The following ELMOD1 variants were observed in gnomAD, a reference collection of about 807,000 sequenced individuals.
The protein encoded by ELMOD1 is ELMO domain-containing protein 1.
Under a neutral mutation model 46.7 loss-of-function variants are expected in ELMOD1, and 21 were observed. That is an observed-to-expected ratio of 0.45 (90% CI 0.32 to 0.65). ELMOD1 has a LOEUF of 0.65. Ranked by LOEUF, ELMOD1 falls within the 30% of genes least tolerant of loss-of-function variation. ELMOD1 has a pLI of 0.04. For missense variants in ELMOD1, 348 were observed against 407.8 expected (o/e 0.85, Z 1.26); for synonymous variants, 122 against 138.2 (o/e 0.88, Z 0.82).
intron 10 of ELMOD1, among the ~76,000 whole-genome samples, chr11:107,654,517 C>T (rs994038681): frequency 6.6e-6 from 1 of 152,096 alleles, no homozygotes; most frequent in Non-Finnish European, 1.5e-5. Flanking sequence ...CGCCTGTAAT[C>T]CCAGCACTTT....
chr11:107,601,270 A>C (rs184490472), intron 1 of ELMOD1, among the ~76,000 whole-genome samples: 1 of 151,838 alleles, frequency 6.6e-6, no homozygotes, highest in Non-Finnish European at 1.5e-5. Context: ...AATTCTCCCA[A>C]TATCACTATT....
intron 2 of ELMOD1, among the ~76,000 whole-genome samples, chr11:107,622,429 A>G (rs1865966024): frequency 6.6e-6 from 1 of 152,158 alleles, no homozygotes; most frequent in South Asian, 2.1e-4. Flanking sequence ...CAACATTTTC[A>G]CCCCGACTTA....
chr11:107,644,536 A>G (rs1866384347), intron 6 of ELMOD1, among the ~76,000 whole-genome samples: 1 of 151,848 alleles, frequency 6.6e-6, no homozygotes. Context: ...CTGCAGTGGC[A>G]CGATCTCGGC....
chr11:107,595,697 C>G (rs1233220040), intron 1 of ELMOD1, among the ~76,000 whole-genome samples: 3 of 152,068 alleles, frequency 2.0e-5, no homozygotes, highest in Non-Finnish European at 4.4e-5. Flanking sequence ...ATCCTGGGAG[C>G]TTTTAACCTT....
Position 107,631,688 on chromosome 11 carries a change from G to T in ELMOD1, c.290+11G>T. 1.4e-6 allele frequency: 2 copies of T among 1,393,916 alleles called. No individual in the cohort carries two copies. The highest frequency in any genetic ancestry group is 2.0e-6 in the Non-Finnish European group (2 of 1,013,558). The allele number at this position is 1,393,916 out of a possible 1,614,324, so 86.3% of individuals were successfully genotyped here. A position where few individuals can be genotyped will look rare whatever the true frequency, so the allele number is the denominator to read the frequency against. ...TGACGTAAATCCACAGTAAGAATATGTTTCTTATGTCAAAAATACAGAACA... is the reference window on the plus strand; with the variant it reads ...TGACGTAAATCCACAGTAAGAATATTTTTCTTATGTCAAAAATACAGAACA... On this transcript the variant is annotated intron_variant, in intron 5 of 11. Coordinates refer to ENST00000265840, the MANE Select transcript of ELMOD1 (RefSeq NM_018712.4).
intron 2 of ELMOD1, among the ~76,000 whole-genome samples, chr11:107,630,119 A>G (rs1866110345): frequency 6.6e-6 from 1 of 152,060 alleles, no homozygotes; most frequent in African/African-American, 2.4e-5. Context: ...TTTTCAAGGT[A>G]CTCATTTACT....
chr11:107,642,989 G>T (rs990327376), intron 6 of ELMOD1: 2 of 253,236 alleles, frequency 7.9e-6, no homozygotes, highest in African/African-American at 2.4e-5. Flanking sequence ...CAAACTTAGT[G>T]ATACAAAATG....
chr11:107,650,295 G>A, intron 7 of ELMOD1, 40 bp from the exon 8 acceptor site: 3 of 1,420,112 alleles, frequency 2.1e-6, no homozygotes, highest in South Asian at 1.2e-5. Flanking sequence ...CAGCGAGTAA[G>A]CAAGTATAGA....
At chr11:107,664,980 A>T (rs1041447994) in intron 11 of ELMOD1, 45 bp from the exon 12 acceptor site, 1 of 1,526,690 alleles carries the variant, frequency 6.6e-7, no homozygotes, top group Non-Finnish European at 8.9e-7. Flanking sequence ...GTGATTAAGG[A>T]TTTTTTTTTC....
intron 11 of ELMOD1, among the ~76,000 whole-genome samples, chr11:107,664,760 G>T (rs1297160324): frequency 6.6e-6 from 1 of 152,020 alleles, no homozygotes; most frequent in African/African-American, 2.4e-5. Context: ...TCAAGAGATG[G>T]CAGAACTGAT....
At chr11:107,651,527 A>G (rs1866526058) in intron 9 of ELMOD1, among the ~76,000 whole-genome samples, 1 of 152,092 alleles carries the variant, frequency 6.6e-6, no homozygotes, top group South Asian at 2.1e-4. Flanking sequence ...TTCTAGCTTC[A>G]TTTGGCTAAG....
At chr11:107,615,984 CCTTTTTTT>C (rs1865855894) in intron 1 of ELMOD1, among the ~76,000 whole-genome samples, 1 of 101,440 alleles carries the variant, frequency 9.9e-6, no homozygotes, top group Admixed American at 1.3e-4. Flanking sequence ...TCAGGTTTTT[CCTTTTTTT>C]TTTTTTTTTT....
intron 6 of ELMOD1, chr11:107,643,010 G>A (rs921214581): frequency 1.7e-5 from 4 of 237,366 alleles, no homozygotes; most frequent in African/African-American, 9.5e-5. Flanking sequence ...ACACAAAAAT[G>A]TTTCGTTTTC....
Position 107,608,244 on chromosome 11 carries a change from C to T in ELMOD1, c.-85-9861C>T, listed in dbSNP as rs374988099. Among the ~76,000 whole-genome samples, 17 of 152,044 alleles carry T rather than the reference C, an allele frequency of 1.1e-4. No homozygotes were observed. The East Asian group carries it at 3.1e-3, about 28-fold the overall frequency. Reference sequence around the variant, plus strand: ...GAGGCAATTAGGGAAACCTAAAGGACCATGGAACTTCTTCTGCTTTCCAGT... The same window carrying T: ...GAGGCAATTAGGGAAACCTAAAGGATCATGGAACTTCTTCTGCTTTCCAGT... On this transcript the variant is annotated intron_variant, in intron 1 of 11. Coordinates refer to ENST00000265840, the MANE Select transcript of ELMOD1 (RefSeq NM_018712.4).
intron 11 of ELMOD1, among the ~76,000 whole-genome samples, chr11:107,657,262 G>A (rs931791338): frequency 6.6e-6 from 1 of 152,178 alleles, no homozygotes; most frequent in Non-Finnish European, 1.5e-5. Context: ...AGTTAAGAGA[G>A]ACTGGGCACT....
intron 2 of ELMOD1, among the ~76,000 whole-genome samples, chr11:107,619,325 T>C (rs1865910655): frequency 6.6e-6 from 1 of 152,246 alleles, no homozygotes; most frequent in African/African-American, 2.4e-5. Context: ...AAAAATATAG[T>C]ATTTGAAAAA....
intron 1 of ELMOD1, among the ~76,000 whole-genome samples, chr11:107,614,695 CAATA>C (rs1166451798): frequency 6.6e-6 from 1 of 152,168 alleles, no homozygotes; most frequent in Non-Finnish European, 1.5e-5. Context: ...GGAAAGCTTT[CAATA>C]GCTCCTTATT....
At chr11:107,643,574 C>T in intron 6 of ELMOD1, 1 of 520,994 alleles carries the variant, frequency 1.9e-6, no homozygotes, top group Admixed American at 2.0e-5. Context: ...AAGAAAACTC[C>T]ATTGTTCAGT....
At chr11:107,645,154 G>T (rs577093214) in intron 6 of ELMOD1, among the ~76,000 whole-genome samples, 88 of 144,614 alleles carry the variant, frequency 6.1e-4, no homozygotes, top group African/African-American at 2.1e-3. Context: ...AACCAGGATG[G>T]TCTCGATCTC....
Sources: gnomAD v4.1 joint callset for allele counts (sites outside exome capture counted in the v4.1 genomes callset) on GRCh38, gnomAD v4.1.1 for gene constraint, MANE v1.5 for transcripts, NCBI Gene and HGNC (gene_info 2026-07-23, HGNC 2026-07-21) for gene names.